The following ZSCAN5A variants were observed in gnomAD, a reference collection of about 807,000 sequenced individuals.
ZSCAN5A encodes zinc finger and SCAN domain-containing protein 5A.
ZSCAN5A carries 12 observed loss-of-function variants against 23.7 expected under a neutral mutation model. The observed-to-expected ratio is 0.51, with a 90% CI of 0.32 to 0.82. ZSCAN5A has a LOEUF of 0.82. Among genes scored for constraint, ZSCAN5A ranks in the 40% least tolerant of loss-of-function variants. The pLI, the probability that ZSCAN5A is intolerant of heterozygous loss-of-function variation, is 0.03. For synonymous variants in ZSCAN5A, 257 were observed against 239.9 expected (o/e 1.07, Z -0.66); for missense variants, 597 against 617.9 (o/e 0.97, Z 0.36).
At chr19:56,309,036 G>A (rs2040872040) in intron 2 of ZSCAN5A, among the ~76,000 whole-genome samples, 1 of 152,216 alleles carries the variant, frequency 6.6e-6, no homozygotes, top group African/African-American at 2.4e-5. Context: ...AGAATACACT[G>A]ATGGCTGTGA....
chr19:56,311,122 G>T (rs1281831490), intron 2 of ZSCAN5A, among the ~76,000 whole-genome samples: 1 of 151,642 alleles, frequency 6.6e-6, no homozygotes, highest in Non-Finnish European at 1.5e-5. Flanking sequence ...TAGGTCTATG[G>T]ACCTACAATT....
In ZSCAN5A at chr19:56,366,425, A is replaced by AG. The variant is rs1319665478; in HGVS notation, c.-522+1783_-522+1784insC. On this transcript the variant is annotated intron_variant, in intron 1 of 6. Transcript: ENST00000587340. The stretch of plus-strand genomic sequence containing the variant: ...GTGACACAGCGAGACTCTGTCTCAA[A>AG]AAAAAAAAAAAAAAAAAAGAAACCT... Among the ~76,000 whole-genome samples, 648 of 119,876 alleles carry AG rather than the reference A, an allele frequency of 5.4e-3. 3 individuals are homozygous for AG. Among genetic ancestry groups the AG allele is most frequent in the Non-Finnish European group, 7.8e-3 (470 of 60,060 alleles). The allele number at this position is 119,876 out of a possible 152,430, so 78.6% of individuals were successfully genotyped here.
intron 4 of ZSCAN5A, 25 bp from the exon 5 acceptor site, chr19:56,222,766 T>G: frequency 2.5e-6 from 4 of 1,614,118 alleles, no homozygotes; most frequent in Non-Finnish European, 3.4e-6. Flanking sequence ...CCAAGAGTAA[T>G]GACTGCTGTG....
At chr19:56,240,149 G>C (rs1037619814) in intron 2 of ZSCAN5A, among the ~76,000 whole-genome samples, 1 of 150,838 alleles carries the variant, frequency 6.6e-6, no homozygotes, top group African/African-American at 2.4e-5. Context: ...GGGACAGTGT[G>C]AGACTCTGTC....
intron 2 of ZSCAN5A, among the ~76,000 whole-genome samples, chr19:56,337,674 G>A (rs1457924790): frequency 1.3e-5 from 2 of 152,142 alleles, no homozygotes; most frequent in Admixed American, 6.5e-5. Context: ...TGTCTTCTGC[G>A]TCACTCATGC....
chr19:56,234,142 A>C (rs1403552317), intron 2 of ZSCAN5A, among the ~76,000 whole-genome samples: 1 of 152,190 alleles, frequency 6.6e-6, no homozygotes, highest in East Asian at 1.9e-4. Flanking sequence ...TTCGTCAGTG[A>C]ATGAGGCAGA....
chr19:56,296,545 G>A (rs2039888527), intron 2 of ZSCAN5A: 2 of 151,994 alleles, frequency 1.3e-5, no homozygotes, highest in Admixed American at 1.3e-4. Context: ...ACTGATGTTA[G>A]CTCTCCTGTA....
At chr19:56,323,137 A>C (rs1600281731) in intron 2 of ZSCAN5A, among the ~76,000 whole-genome samples, 1 of 151,842 alleles carries the variant, frequency 6.6e-6, no homozygotes, top group Non-Finnish European at 1.5e-5. Context: ...CTCATGATCC[A>C]CCTGCCTCGG....
intron 2 of ZSCAN5A, among the ~76,000 whole-genome samples, chr19:56,240,512 A>G (rs765031800): frequency 3.3e-5 from 5 of 152,068 alleles, no homozygotes; most frequent in Non-Finnish European, 7.4e-5. Context: ...GATGCGAGAA[A>G]GTTGGAGGCA....
intron 1 of ZSCAN5A, among the ~76,000 whole-genome samples, chr19:56,366,445 A>G: frequency 6.8e-6 from 1 of 147,726 alleles, no homozygotes; most frequent in South Asian, 2.1e-4. Context: ...AAAAAAAAAG[A>G]AACCTTACCA....
At chr19:56,331,031 C>A (rs924251833) in intron 2 of ZSCAN5A, among the ~76,000 whole-genome samples, 1 of 152,142 alleles carries the variant, frequency 6.6e-6, no homozygotes, top group Non-Finnish European at 1.5e-5. Flanking sequence ...TATGCCTAGC[C>A]AGCAATCTCA....
chr19:56,331,030 C>G (rs2041483822), intron 2 of ZSCAN5A, among the ~76,000 whole-genome samples: 1 of 152,160 alleles, frequency 6.6e-6, no homozygotes, highest in South Asian at 2.1e-4. Flanking sequence ...ATATGCCTAG[C>G]CAGCAATCTC....
intron 2 of ZSCAN5A, among the ~76,000 whole-genome samples, chr19:56,238,396 T>G (rs1056229179): frequency 2.6e-5 from 4 of 152,102 alleles, no homozygotes; most frequent in Non-Finnish European, 4.4e-5. Context: ...GTGACCTTAG[T>G]CACCAAGGAC....
chr19:56,302,881 G>A, intron 2 of ZSCAN5A: 1 of 398,684 alleles, frequency 2.5e-6, no homozygotes, highest in Non-Finnish European at 4.4e-6. Flanking sequence ...GGTTGCTGGG[G>A]ACTCTGATGG....
chr19:56,353,998 T>C (rs1433551083), intron 2 of ZSCAN5A, among the ~76,000 whole-genome samples: 1 of 152,106 alleles, frequency 6.6e-6, no homozygotes, highest in Non-Finnish European at 1.5e-5. Context: ...ACCACATGGA[T>C]GGACCTTGAG....
At chr19:56,324,346 C>T (rs974809762) in intron 2 of ZSCAN5A, among the ~76,000 whole-genome samples, 3 of 151,992 alleles carry the variant, frequency 2.0e-5, no homozygotes, top group African/African-American at 7.3e-5. Context: ...GTATATGTAT[C>T]ATATTTTGTT....
At chr19:56,245,759 C>A (rs547369852) in intron 2 of ZSCAN5A, among the ~76,000 whole-genome samples, 1 of 152,158 alleles carries the variant, frequency 6.6e-6, no homozygotes, top group African/African-American at 2.4e-5. Flanking sequence ...CAGCAAGGAG[C>A]GCACTTTCTA....
chr19:56,221,886 T>C lies in ZSCAN5A; in HGVS notation c.1180A>G (p.Met394Val). The stretch of plus-strand genomic sequence containing the variant: ...TGAAATTGGAGGCTAATAAGCTGCA[T>C]GAAGCGCTTCCCACAGAGATTACAT... The part of the protein sequence containing the change: ...FQCNLCGKRF[M>V]QLISLQFHQR... The change falls in exon 6 of 6, where the codon ATG becomes GTG. Residue 394 changes from methionine to valine, a missense_variant. Met to Val is a conservative substitution (Grantham distance 21). Transcript: ENST00000683990. 1.9e-6 allele frequency: 3 copies of C among 1,614,208 alleles called. No individual in the cohort carries two copies. Among genetic ancestry groups the C allele is most frequent in the Non-Finnish European group, 2.5e-6 (3 of 1,180,038 alleles).
intron 2 of ZSCAN5A, chr19:56,340,952 A>C (rs1330262355): frequency 1.3e-5 from 2 of 152,202 alleles, no homozygotes; most frequent in African/African-American, 4.8e-5. Flanking sequence ...CCAACAGATT[A>C]ATTCATTGAC....
Sources: gnomAD v4.1 joint callset for allele counts (sites outside exome capture counted in the v4.1 genomes callset) on GRCh38, gnomAD v4.1.1 for gene constraint, MANE v1.5 for transcripts, NCBI Gene and HGNC (gene_info 2026-07-23, HGNC 2026-07-21) for gene names.